Variants in LIPA observed in about 807,000 individuals in gnomAD.
LIPA encodes the protein lysosomal acid lipase/cholesteryl ester hydrolase.
Under a neutral mutation model 40.6 loss-of-function variants are expected in LIPA, and 26 were observed. The ratio of observed to expected loss-of-function variants is 0.64; its 90% CI spans 0.47 to 0.89. The LOEUF (loss-of-function observed/expected upper bound fraction) is 0.89. Ranked by LOEUF, LIPA falls within the 40% of genes least tolerant of loss-of-function variation. LIPA has a pLI of 0.00. For missense variants in LIPA, 455 were observed against 479.6 expected (o/e 0.95, Z 0.48); for synonymous variants, 188 against 168.4 (o/e 1.12, Z -0.90).
chr10:89,383,180 T>G, intron 2 of LIPA: 1 of 724,482 alleles, frequency 1.4e-6, no homozygotes, highest in Non-Finnish European at 2.3e-6. Flanking sequence ...ATGACATGAC[T>G]GTAGAACCCA....
intron 1 of LIPA, among the ~76,000 whole-genome samples, chr10:89,279,781 A>C (rs1253544035): frequency 4.6e-5 from 7 of 152,220 alleles, no homozygotes; most frequent in Non-Finnish European, 5.9e-5. Flanking sequence ...GGAAGTGGGA[A>C]ATGGTAGCCA....
chr10:89,263,335 T>C (rs978856029), intron 1 of LIPA, among the ~76,000 whole-genome samples: 3 of 152,240 alleles, frequency 2.0e-5, no homozygotes, highest in African/African-American at 7.2e-5. Context: ...TATTGGACTT[T>C]ACTTACTAAG....
intron 1 of LIPA, among the ~76,000 whole-genome samples, chr10:89,273,479 C>CA (rs1180414272): frequency 6.6e-6 from 1 of 152,102 alleles, no homozygotes; most frequent in Non-Finnish European, 1.5e-5. Flanking sequence ...CACTGGAACC[C>CA]AATTTACCTA....
chr10:89,348,769 T>G (rs1291424635), intron 2 of LIPA, among the ~76,000 whole-genome samples: 2 of 152,214 alleles, frequency 1.3e-5, no homozygotes, highest in African/African-American at 4.8e-5. Context: ...GAATTTCCCT[T>G]GAAGGAACTT....
intron 2 of LIPA, among the ~76,000 whole-genome samples, chr10:89,395,196 A>G (rs544222667): frequency 7.3e-4 from 60 of 82,634 alleles, no homozygotes; most frequent in African/African-American, 2.8e-3. Flanking sequence ...CCCACCCCAC[A>G]TGGACCAGGC....
intron 1 of LIPA, among the ~76,000 whole-genome samples, chr10:89,329,777 G>GTT (rs1843632095): frequency 6.6e-6 from 1 of 152,168 alleles, no homozygotes; most frequent in Non-Finnish European, 1.5e-5. Flanking sequence ...TTTCATGCAA[G>GTT]TCCGTGTGAA....
intron 2 of LIPA, chr10:89,405,686 A>G (rs1844518283): frequency 6.6e-6 from 1 of 152,206 alleles, no homozygotes; most frequent in Non-Finnish European, 1.5e-5. Context: ...AGTAGCCTCA[A>G]ATCTCTCTCT....
chr10:89,264,178 G>C (rs1843223995), intron 1 of LIPA, among the ~76,000 whole-genome samples: 1 of 152,198 alleles, frequency 6.6e-6, no homozygotes, highest in Non-Finnish European at 1.5e-5. Context: ...GTAGGGGCAT[G>C]TTTCAGCCCT....
At chr10:89,262,047 C>T (rs998350138) in intron 1 of LIPA, among the ~76,000 whole-genome samples, 1 of 152,160 alleles carries the variant, frequency 6.6e-6, no homozygotes, top group South Asian at 2.1e-4. Flanking sequence ...CCTTACTCAC[C>T]TACCCAATGC....
chr10:89,354,096 A>T (rs1467824875), intron 2 of LIPA, among the ~76,000 whole-genome samples: 1 of 152,184 alleles, frequency 6.6e-6, no homozygotes, highest in Non-Finnish European at 1.5e-5. Context: ...CTAAGGAGGC[A>T]AGAATTAAGG....
intron 1 of LIPA, among the ~76,000 whole-genome samples, chr10:89,324,433 G>A (rs1392880098): frequency 2.0e-5 from 3 of 152,076 alleles, no homozygotes; most frequent in Admixed American, 2.0e-4. Flanking sequence ...GATAACCTAG[G>A]AAATACGATT....
intron 2 of LIPA, among the ~76,000 whole-genome samples, chr10:89,353,143 G>C (rs1056995265): frequency 6.6e-6 from 1 of 152,142 alleles, no homozygotes; most frequent in Non-Finnish European, 1.5e-5. Context: ...TTGTTAAACC[G>C]TCCCTAAAAT....
intron 1 of LIPA, among the ~76,000 whole-genome samples, chr10:89,300,869 C>G (rs1843441371): frequency 6.6e-6 from 1 of 152,092 alleles, no homozygotes; most frequent in Admixed American, 6.5e-5. Flanking sequence ...TGCCTGTAAT[C>G]CCAGCTACTC....
chr10:89,223,772 G>T lies in LIPA; in HGVS notation c.734C>A (p.Thr245Asn). ...PQSAFLKWLG[T>N]HVCTHVILKE... The stretch of plus-strand genomic sequence containing the variant: ...CAGTATGACATGAGTGCAAACGTGG[G>T]TACCCAGCCACTTCAAAAACGCACT... Residue 245 changes from threonine (T) to asparagine (N), a missense_variant, in exon 7 of 10, where the codon ACC becomes AAC. Coordinates refer to ENST00000336233, the MANE Select transcript of LIPA (RefSeq NM_000235.4). The T allele has an allele frequency of 6.2e-7, 1 of 1,613,836 alleles. No individual in the cohort carries two copies. Among genetic ancestry groups the T allele is most frequent in the Non-Finnish European group, 8.5e-7 (1 of 1,179,768 alleles).
intron 1 of LIPA, chr10:89,284,010 A>C (rs1482706365): frequency 6.6e-6 from 1 of 152,246 alleles, no homozygotes; most frequent in Non-Finnish European, 1.5e-5. Flanking sequence ...AACATATCTT[A>C]GAGAATACTT....
At position 89,214,970 on chromosome 10, in the gene LIPA, A is replaced by G; in HGVS notation, c.1058T>C (p.Val353Ala). Residue 353 changes from valine to alanine, a missense_variant, in exon 10 of 10, where the codon GTC becomes GCC. Coordinates refer to ENST00000336233, the MANE Select transcript of LIPA (RefSeq NM_000235.4). Reference sequence around the variant, plus strand: ...GGTGATCTGAGTCAGTAAGATATTGACGTCGTAGACATCTGCAAGCCAGTC... The same window carrying G: ...GGTGATCTGAGTCAGTAAGATATTGGCGTCGTAGACATCTGCAAGCCAGTC... ...GHDWLADVYD[V>A]NILLTQITNL... The G allele has an allele frequency of 6.2e-7, 1 of 1,614,156 alleles. No homozygotes were observed. Among genetic ancestry groups the G allele is most frequent in the South Asian group, 1.1e-5 (1 of 91,076 alleles).
At chr10:89,292,312 G>A (rs1843379246) in intron 1 of LIPA, 1 of 152,130 alleles carries the variant, frequency 6.6e-6, no homozygotes, top group Non-Finnish European at 1.5e-5. Context: ...TTGTACAGAG[G>A]CACTGATTTG....
At chr10:89,336,419 C>T (rs1835020965) in intron 1 of LIPA, among the ~76,000 whole-genome samples, 1 of 152,170 alleles carries the variant, frequency 6.6e-6, no homozygotes. Context: ...GTTGATTCTG[C>T]ATCTCTCACT....
At chr10:89,288,513 C>G (rs1222589603) in intron 1 of LIPA, among the ~76,000 whole-genome samples, 1 of 152,190 alleles carries the variant, frequency 6.6e-6, no homozygotes, top group Non-Finnish European at 1.5e-5. Context: ...TGTAGCCTTT[C>G]TGTCCAAACA....
Sources: gnomAD v4.1 joint callset for allele counts (sites outside exome capture counted in the v4.1 genomes callset) on GRCh38, gnomAD v4.1.1 for gene constraint, MANE v1.5 for transcripts, NCBI Gene and HGNC (gene_info 2026-07-23, HGNC 2026-07-21) for gene names.